AUTS2: variants seen among roughly 807,000 people sequenced by gnomAD.
The protein encoded by AUTS2 is activator of transcription and developmental regulator AUTS2, also known as autism susceptibility gene 2 protein.
Under a neutral mutation model 112.4 loss-of-function variants are expected in AUTS2, and 17 were observed. The observed-to-expected ratio is 0.15, with a 90% CI of 0.10 to 0.23. The LOEUF (loss-of-function observed/expected upper bound fraction) is 0.23, where lower values mean the gene tolerates loss of function less well. Among genes scored for constraint, AUTS2 ranks in the 10% least tolerant of loss-of-function variants. The pLI is 1.00. For synonymous variants in AUTS2, 751 were observed against 702.7 expected, an observed-to-expected ratio of 1.07 and a Z score of -1.09; for missense variants, 1,510 against 1,701.6, an observed-to-expected ratio of 0.89 and a Z score of 1.98.
chr7:69,704,558 G>A (rs10244128), intron 1 of AUTS2, among the ~76,000 whole-genome samples: 14,784 of 151,996 alleles, frequency 0.097, 1,137 homozygotes, highest in African/African-American at 0.21. Flanking sequence ...CATGAGCCAC[G>A]GCACCCGGCC....
chr7:70,306,011 C>T (rs1370904700), intron 4 of AUTS2, among the ~76,000 whole-genome samples: 2 of 151,936 alleles, frequency 1.3e-5, no homozygotes, highest in Non-Finnish European at 2.9e-5. Flanking sequence ...AAAACTTAAG[C>T]TGATGTCAAA....
chr7:70,008,146 A>G (rs1799630830), intron 2 of AUTS2, among the ~76,000 whole-genome samples: 1 of 152,194 alleles, frequency 6.6e-6, no homozygotes, highest in Non-Finnish European at 1.5e-5. Context: ...CCTTCTGTTA[A>G]CTTGCTTCCT....
intron 2 of AUTS2, among the ~76,000 whole-genome samples, chr7:70,017,323 A>G (rs1246908168): frequency 1.3e-5 from 2 of 152,238 alleles, no homozygotes; most frequent in Non-Finnish European, 2.9e-5. Flanking sequence ...TGTGAATCTC[A>G]GATTATATTG....
chr7:70,559,114 T>C (rs371368573), intron 5 of AUTS2, among the ~76,000 whole-genome samples: 14 of 152,276 alleles, frequency 9.2e-5, no homozygotes, highest in East Asian at 5.8e-4. Context: ...GAAGGGAGTC[T>C]CCCTGCACAT....
chr7:69,649,120 C>G (rs1057399871), intron 1 of AUTS2, among the ~76,000 whole-genome samples: 3 of 152,128 alleles, frequency 2.0e-5, no homozygotes, highest in African/African-American at 7.2e-5. Flanking sequence ...TCTTCTTGTA[C>G]GTGTGTACAT....
At chr7:69,969,692 A>G (rs968372509) in intron 2 of AUTS2, among the ~76,000 whole-genome samples, 1 of 152,160 alleles carries the variant, frequency 6.6e-6, no homozygotes, top group Non-Finnish European at 1.5e-5. Flanking sequence ...GTATTCCTCT[A>G]AAAAGCCATT....
At chr7:70,535,744 T>C (rs539997371) in intron 5 of AUTS2, among the ~76,000 whole-genome samples, 20 of 152,206 alleles carry the variant, frequency 1.3e-4, no homozygotes, top group Non-Finnish European at 2.9e-4. Flanking sequence ...TACTTGGTTA[T>C]AGGCCAGTGG....
At chr7:70,070,171 A>G (rs1473109436) in intron 2 of AUTS2, among the ~76,000 whole-genome samples, 1 of 152,114 alleles carries the variant, frequency 6.6e-6, no homozygotes, top group Non-Finnish European at 1.5e-5. Flanking sequence ...TTTGTGCCTA[A>G]AAGAGAGAGA....
At chr7:69,772,925 T>C (rs1788728079) in intron 1 of AUTS2, among the ~76,000 whole-genome samples, 1 of 152,242 alleles carries the variant, frequency 6.6e-6, no homozygotes, top group South Asian at 2.1e-4. Flanking sequence ...TATTTATTAC[T>C]GTAGGATAAT....
At chr7:70,426,615 A>T (rs774220124) in intron 4 of AUTS2, among the ~76,000 whole-genome samples, 2 of 152,198 alleles carry the variant, frequency 1.3e-5, no homozygotes, top group African/African-American at 2.4e-5. Flanking sequence ...AATCATCATC[A>T]AGTCGGGCCT....
intron 14 of AUTS2, among the ~76,000 whole-genome samples, chr7:70,780,823 T>G (rs770752977): frequency 6.6e-6 from 1 of 152,094 alleles, no homozygotes; most frequent in Non-Finnish European, 1.5e-5. Flanking sequence ...ATGCAAATAT[T>G]TCTTCATAAC....
At chr7:69,606,311 AGATG>A (rs1792712350) in intron 1 of AUTS2, among the ~76,000 whole-genome samples, 1 of 152,174 alleles carries the variant, frequency 6.6e-6, no homozygotes, top group Non-Finnish European at 1.5e-5. Flanking sequence ...TGAGGTCCCC[AGATG>A]GACACAACAA....
chr7:69,801,406 A>G (rs1346278735), intron 1 of AUTS2, among the ~76,000 whole-genome samples: 1 of 151,106 alleles, frequency 6.6e-6, no homozygotes, highest in East Asian at 1.9e-4. Flanking sequence ...CTCTACCTTG[A>G]TGGTCTTATT....
chr7:69,818,802 G>A (rs1397665591), intron 1 of AUTS2, among the ~76,000 whole-genome samples: 2 of 152,192 alleles, frequency 1.3e-5, no homozygotes, highest in Non-Finnish European at 2.9e-5. Context: ...ATTTCTAGCC[G>A]AGTGGATAGC....
chr7:70,676,209 G>A (rs915685506), intron 5 of AUTS2, among the ~76,000 whole-genome samples: 2 of 152,208 alleles, frequency 1.3e-5, no homozygotes, highest in Admixed American at 1.3e-4. Flanking sequence ...GGGAGGCCAA[G>A]ATGGGAGGAT....
At chr7:69,614,018 A>C (rs1273324811) in intron 1 of AUTS2, among the ~76,000 whole-genome samples, 2 of 152,176 alleles carry the variant, frequency 1.3e-5, no homozygotes, top group Non-Finnish European at 2.9e-5. Flanking sequence ...AGAGTATGCT[A>C]ATGAATATAA....
At chr7:70,493,544 G>A (rs966911610) in intron 5 of AUTS2, among the ~76,000 whole-genome samples, 4 of 152,136 alleles carry the variant, frequency 2.6e-5, no homozygotes, top group Admixed American at 6.5e-5. Context: ...GGTGGGAAAA[G>A]ATTACTTCTA....
At chr7:70,218,019 C>G (rs1366682062) in intron 4 of AUTS2, among the ~76,000 whole-genome samples, 1 of 152,060 alleles carries the variant, frequency 6.6e-6, no homozygotes, top group Non-Finnish European at 1.5e-5. Context: ...AGGTCCAGAC[C>G]CAGATAAAAA....
intron 6 of AUTS2, among the ~76,000 whole-genome samples, chr7:70,736,808 A>C (rs549029552): frequency 3.3e-5 from 5 of 152,180 alleles, no homozygotes; most frequent in Non-Finnish European, 7.3e-5. Context: ...TTGTTGCCAC[A>C]AAGTGCATCT....
Sources: allele counts gnomAD v4.1 joint callset (sites outside exome capture counted in the v4.1 genomes callset), GRCh38; gene constraint gnomAD v4.1.1; transcripts MANE v1.5; gene names NCBI Gene and HGNC (gene_info 2026-07-23, HGNC 2026-07-21).